NELL1: variants seen among roughly 807,000 people sequenced by gnomAD.
NELL1 encodes neural EGFL like 1, also known as protein kinase C-binding protein NELL1.
In NELL1, 76 loss-of-function variants were observed where a neutral mutation model predicts 107.4. The observed-to-expected ratio is 0.71, with a 90% CI of 0.59 to 0.86. The LOEUF is 0.86. Among genes scored for constraint, NELL1 ranks in the 40% least tolerant of loss-of-function variants. The pLI is 0.00. For synonymous variants in NELL1, 353 were observed against 341.2 expected (o/e 1.03, Z -0.38); for missense variants, 1,024 against 1,005.5 (o/e 1.02, Z -0.25).
chr11:21,005,921 A>G (rs1347482769), intron 12 of NELL1, among the ~76,000 whole-genome samples: 1 of 152,122 alleles, frequency 6.6e-6, no homozygotes, highest in Non-Finnish European at 1.5e-5. Context: ...ACTTAGACCA[A>G]CTGAGGTTTG....
At chr11:21,574,544 T>C (rs1591049398) in intron 19 of NELL1, among the ~76,000 whole-genome samples, 2 of 151,872 alleles carry the variant, frequency 1.3e-5, no homozygotes, top group Non-Finnish European at 2.9e-5. Context: ...CAAACCTTAC[T>C]GGACCCCATC....
intron 12 of NELL1, among the ~76,000 whole-genome samples, chr11:20,968,529 C>T (rs910723089): frequency 1.1e-4 from 16 of 152,296 alleles, no homozygotes; most frequent in African/African-American, 2.6e-4. Context: ...AATGGTGAAA[C>T]GCTGTGTGTT....
At chr11:21,060,811 C>A (rs1853721803) in intron 12 of NELL1, among the ~76,000 whole-genome samples, 2 of 152,224 alleles carry the variant, frequency 1.3e-5, no homozygotes, top group Admixed American at 1.3e-4. Context: ...AAGTGATTCT[C>A]CTGCCTCAGC....
At chr11:21,259,094 G>A (rs948238741) in intron 14 of NELL1, among the ~76,000 whole-genome samples, 9 of 151,802 alleles carry the variant, frequency 5.9e-5, no homozygotes, top group East Asian at 3.9e-4. Flanking sequence ...CTATAGAAGC[G>A]GGAGGGGGGC....
chr11:21,366,609 C>T (rs1851229221), intron 14 of NELL1, among the ~76,000 whole-genome samples: 1 of 152,044 alleles, frequency 6.6e-6, no homozygotes, highest in Non-Finnish European at 1.5e-5. Context: ...ACTTGAGCAG[C>T]ATCATCCTGA....
chr11:21,418,613 C>A (rs1852578725), intron 15 of NELL1, among the ~76,000 whole-genome samples: 1 of 152,036 alleles, frequency 6.6e-6, no homozygotes, highest in African/African-American at 2.4e-5. Flanking sequence ...CTTTTCCTTT[C>A]AGGTCTCTAA....
intron 17 of NELL1, among the ~76,000 whole-genome samples, chr11:21,562,329 G>A (rs1856868372): frequency 1.3e-5 from 2 of 151,982 alleles, no homozygotes; most frequent in South Asian, 2.1e-4. Flanking sequence ...AGCAATTCTT[G>A]TAATCTAATT....
intron 12 of NELL1, among the ~76,000 whole-genome samples, chr11:21,061,061 G>A (rs890370234): frequency 6.6e-6 from 1 of 152,080 alleles, no homozygotes; most frequent in Non-Finnish European, 1.5e-5. Flanking sequence ...ATGCCTAAAG[G>A]GACTTTGATA....
intron 3 of NELL1, among the ~76,000 whole-genome samples, chr11:20,837,743 C>CA (rs1848559481): frequency 1.3e-5 from 2 of 151,790 alleles, no homozygotes; most frequent in Admixed American, 6.6e-5. Flanking sequence ...ACAATTTGAG[C>CA]AAAAAAATAA....
rs1435675413 is a variant in NELL1 at position 21,182,741 on chromosome 11, A to C, written c.1427-46591A>C. Among the ~76,000 whole-genome samples, 5 of 151,640 alleles carry C rather than the reference A, an allele frequency of 3.3e-5. No individual in the cohort carries two copies. In the East Asian group the frequency reaches 7.7e-4, roughly 23 times the overall value. The stretch of plus-strand genomic sequence containing the variant: ...CAGGTGCTAGAGTCTCTGAGCATAG[A>C]AAAATGGTATAATAGGATGGGGGCT... On this transcript the variant is annotated intron_variant, in intron 13 of 19. Transcript: ENST00000357134.
intron 2 of NELL1, among the ~76,000 whole-genome samples, chr11:20,763,587 C>G (rs577076846): frequency 4.3e-4 from 66 of 152,302 alleles, no homozygotes; most frequent in African/African-American, 1.6e-3. Flanking sequence ...CACTGGACCA[C>G]GTTCTGTGAC....
chr11:21,562,359 TCACTG>T lies in NELL1; in HGVS notation c.1980+1980_1980+1984del, dbSNP rs541572210. 5.2e-4 allele frequency among the ~76,000 whole-genome samples: 79 copies of T among 152,174 alleles called. No individual in the cohort carries two copies. In the South Asian group the frequency reaches 8.3e-3, roughly 16 times the overall value. The stretch of plus-strand genomic sequence containing the variant: ...CTAATTTTGTTAATATGATGCACCT[TCACTG>T]CAAAGCACTGCAATTTCTGAATAAA... On this transcript the variant is annotated intron_variant, in intron 17 of 19. Coordinates refer to ENST00000357134, the MANE Select transcript of NELL1 (RefSeq NM_006157.5).
At chr11:21,201,955 C>T (rs943909286) in intron 13 of NELL1, among the ~76,000 whole-genome samples, 11 of 152,166 alleles carry the variant, frequency 7.2e-5, no homozygotes, top group Non-Finnish European at 1.5e-4. Context: ...GTTGAACCAG[C>T]CTTGTATCCC....
chr11:21,214,701 A>T (rs1857576035), intron 13 of NELL1, among the ~76,000 whole-genome samples: 1 of 151,276 alleles, frequency 6.6e-6, no homozygotes, highest in Non-Finnish European at 1.5e-5. Context: ...TTATCCTAGA[A>T]ATGTAAAAAT....
intron 13 of NELL1, among the ~76,000 whole-genome samples, chr11:21,219,733 T>A (rs961846558): frequency 6.6e-6 from 1 of 152,172 alleles, no homozygotes; most frequent in Non-Finnish European, 1.5e-5. Context: ...AAGGAAGAGG[T>A]TGTCCTTTCT....
intron 3 of NELL1, among the ~76,000 whole-genome samples, chr11:20,791,892 C>A (rs969119648): frequency 3.3e-5 from 5 of 151,884 alleles, no homozygotes; most frequent in African/African-American, 1.2e-4. Context: ...ATCTTTTATT[C>A]TGTTGATGTA....
intron 2 of NELL1, among the ~76,000 whole-genome samples, chr11:20,688,032 G>T (rs1272384143): frequency 7.0e-6 from 1 of 143,792 alleles, no homozygotes; most frequent in Non-Finnish European, 1.5e-5. Context: ...TAACCATACA[G>T]ATTTTTTTTC....
chr11:21,472,802 C>T (rs977332890), intron 15 of NELL1, among the ~76,000 whole-genome samples: 1 of 151,760 alleles, frequency 6.6e-6, no homozygotes, highest in African/African-American at 2.4e-5. Flanking sequence ...CTCACTCGTC[C>T]CCTTCCCTCC....
intron 3 of NELL1, among the ~76,000 whole-genome samples, chr11:20,795,690 T>C (rs1045866453): frequency 1.3e-5 from 2 of 152,152 alleles, no homozygotes; most frequent in African/African-American, 4.8e-5. Context: ...AGATGGGAAG[T>C]TGAAAGCTAG....
Sources: gnomAD v4.1 joint callset for allele counts (sites outside exome capture counted in the v4.1 genomes callset) on GRCh38, gnomAD v4.1.1 for gene constraint, MANE v1.5 for transcripts, NCBI Gene and HGNC (gene_info 2026-07-23, HGNC 2026-07-21) for gene names.